Variants in CEP162 observed in about 807,000 individuals in gnomAD.
The protein encoded by CEP162 is centrosomal protein 162, also known as centrosomal protein of 162 kDa.
CEP162 carries 141 observed loss-of-function variants against 169.2 expected under a neutral mutation model. That is an observed-to-expected ratio of 0.83 (90% CI 0.73 to 0.96). CEP162 has a LOEUF of 0.96. Among genes scored for constraint, CEP162 ranks in the 40% least tolerant of loss-of-function variants. The probability of loss-of-function intolerance (pLI) is 0.00; values close to 1 mark genes in which losing one functional copy is unlikely to be tolerated. For missense variants in CEP162, 1,600 were observed against 1,587.2 expected (o/e 1.01, Z -0.14); for synonymous variants, 540 against 526.4 (o/e 1.03, Z -0.35).
chr6:84,159,547 A>ATATTTTTTTTTT (rs2099524779), intron 21 of CEP162, among the ~76,000 whole-genome samples: 1 of 31,954 alleles, frequency 3.1e-5, no homozygotes, highest in Non-Finnish European at 5.1e-5. Context: ...ATATATATAT[A>ATATTTTTTTTTT]TTTTTTTTTT....
intron 11 of CEP162, among the ~76,000 whole-genome samples, chr6:84,188,700 T>C (rs1004558883): frequency 1.3e-5 from 2 of 152,170 alleles, no homozygotes; most frequent in East Asian, 1.9e-4. Flanking sequence ...AACATATGCA[T>C]GCATATGTCT....
chr6:84,205,118 G>T (rs1366544974), intron 6 of CEP162, among the ~76,000 whole-genome samples: 1 of 152,144 alleles, frequency 6.6e-6, no homozygotes, highest in Non-Finnish European at 1.5e-5. Flanking sequence ...GGACCAGACG[G>T]ATTCACAGCC....
intron 17 of CEP162, 74 bp downstream of exon 17, chr6:84,171,532 T>C (rs1488133030): frequency 5.7e-6 from 3 of 522,718 alleles, no homozygotes; most frequent in Admixed American, 4.3e-5. Context: ...AAAATAAATG[T>C]ATTATTAACA....
At chr6:84,161,934 C>T (rs1376788474) in intron 19 of CEP162, 25 bp from the exon 20 acceptor site, 2 of 1,384,318 alleles carry the variant, frequency 1.4e-6, no homozygotes, top group Non-Finnish European at 2.0e-6. Context: ...AACTCAATAA[C>T]CTGCTTGTTG....
chr6:84,212,529 A>G (rs1554184253), intron 6 of CEP162, among the ~76,000 whole-genome samples: 1 of 151,968 alleles, frequency 6.6e-6, no homozygotes, highest in African/African-American at 2.4e-5. Context: ...AGAAAAAAAT[A>G]CAACAAAGAA....
rs548509529 is a variant in CEP162 at position 84,215,636 on chromosome 6, T to C, written c.319+140A>G. On this transcript the variant is annotated intron_variant, in intron 4 of 26. Transcript: ENST00000403245. ...TAATACGTAAGGTTTAAAGCTTCTC[T>C]AGAATAATTCTAAACCTCTAGGAAG... 507 of 1,250,646 alleles carry C rather than the reference T, an allele frequency of 4.1e-4. 7 individuals carry two copies. The South Asian group carries it at 7.5e-3, about 19-fold the overall frequency. The allele number at this position is 1,250,646 out of a possible 1,614,324, so 77.5% of individuals were successfully genotyped here. A position where few individuals can be genotyped will look rare whatever the true frequency, so the allele number is the denominator to read the frequency against.
chr6:84,173,882 A>G (rs974891259), intron 16 of CEP162, among the ~76,000 whole-genome samples, 166 bp downstream of exon 16: 4 of 151,844 alleles, frequency 2.6e-5, no homozygotes, highest in Admixed American at 6.6e-5. Context: ...ATGGTGTTTC[A>G]CCATGTTGGC....
intron 5 of CEP162, among the ~76,000 whole-genome samples, chr6:84,213,615 C>G (rs1562091943): frequency 6.6e-6 from 1 of 152,114 alleles, no homozygotes; most frequent in Non-Finnish European, 1.5e-5. Context: ...TTAGTGAGAT[C>G]GTTAGAGAAA....
At chr6:84,158,938 T>C (rs1279728272) in intron 21 of CEP162, among the ~76,000 whole-genome samples, 1 of 151,626 alleles carries the variant, frequency 6.6e-6, no homozygotes. Context: ...TTAACTCTCA[T>C]TGCAAATCAA....
rs745498315 is a variant in CEP162 at position 84,152,914 on chromosome 6, A to T, written c.3260T>A (p.Leu1087Ter). 1 of 1,613,702 alleles carries T rather than the reference A, an allele frequency of 6.2e-7. No individual in the cohort carries two copies. Among genetic ancestry groups the T allele is most frequent in the East Asian group, 2.2e-5 (1 of 44,864 alleles). ...AGCCAGTTCTTCATTGAGTCTTACT[A>T]ATTTAGCTTTAGCATGAGCCTGTTC... ...QVEQAHAKAKLVRLNEELAAK... is the reference protein window; with the variant it reads ...QVEQAHAKAK Residue 1087 changes from leucine (L) to a stop codon, truncating the protein, a stop_gained, in exon 23 of 27, where the codon TTA becomes TAA. Transcript: ENST00000403245. LOFTEE classifies it high-confidence loss of function.
intron 6 of CEP162, among the ~76,000 whole-genome samples, chr6:84,209,226 T>C (rs1340750463): frequency 6.6e-6 from 1 of 152,166 alleles, no homozygotes; most frequent in Non-Finnish European, 1.5e-5. Context: ...ATCTGTAAAT[T>C]GGGGATAATA....
intron 26 of CEP162, 126 bp downstream of exon 26, chr6:84,126,252 A>T (rs1295074700): frequency 1.8e-6 from 1 of 570,394 alleles, no homozygotes; most frequent in African/African-American, 1.9e-5. Context: ...TTAAATTTTT[A>T]ACAAGATCAA....
chr6:84,206,674 T>C (rs2099547261), intron 6 of CEP162, among the ~76,000 whole-genome samples: 1 of 152,184 alleles, frequency 6.6e-6, no homozygotes, highest in African/African-American at 2.4e-5. Flanking sequence ...GGACTTCATG[T>C]CTAAAACACC....
At chr6:84,216,058 C>T in intron 3 of CEP162, 136 bp from the exon 4 acceptor site, 1 of 1,043,598 alleles carries the variant, frequency 9.6e-7, no homozygotes, top group East Asian at 2.8e-5. Context: ...AAATAAAAAT[C>T]CATCAGACCT....
intron 18 of CEP162, among the ~76,000 whole-genome samples, chr6:84,166,062 T>C (rs1032617966): frequency 6.6e-6 from 1 of 152,190 alleles, no homozygotes; most frequent in Non-Finnish European, 1.5e-5. Flanking sequence ...AGTTTAATCA[T>C]GCCATCAATC....
At chr6:84,151,603 T>C (rs940492899) in intron 23 of CEP162, among the ~76,000 whole-genome samples, 3 of 152,184 alleles carry the variant, frequency 2.0e-5, no homozygotes, top group Middle Eastern at 6.8e-3. Context: ...ACCGTAAGAA[T>C]GGGTAAGTTT....
chr6:84,136,232 G>T (rs552008383), intron 25 of CEP162, among the ~76,000 whole-genome samples: 1 of 151,340 alleles, frequency 6.6e-6, no homozygotes, highest in East Asian at 1.9e-4. Flanking sequence ...TGGTTTAGAG[G>T]TGGGCACATG....
At chr6:84,196,050 G>T (rs923937962) in intron 9 of CEP162, among the ~76,000 whole-genome samples, 1 of 152,080 alleles carries the variant, frequency 6.6e-6, no homozygotes, top group Non-Finnish European at 1.5e-5. Context: ...AAACCTTGAT[G>T]TCATCATTCA....
intron 13 of CEP162, 63 bp from the exon 14 acceptor site, chr6:84,175,410 T>C: frequency 1.7e-6 from 2 of 1,157,738 alleles, no homozygotes; most frequent in Non-Finnish European, 1.2e-6. Flanking sequence ...TACTCATCAA[T>C]TGTGTCCAAT....
Sources: allele counts gnomAD v4.1 joint callset (sites outside exome capture counted in the v4.1 genomes callset), GRCh38; gene constraint gnomAD v4.1.1; transcripts MANE v1.5; gene names NCBI Gene and HGNC (gene_info 2026-07-23, HGNC 2026-07-21).